DAAM2: variants seen among roughly 807,000 people sequenced by gnomAD.
DAAM2 encodes dishevelled associated activator of morphogenesis 2, also known as disheveled-associated activator of morphogenesis 2.
Under a neutral mutation model 120.7 loss-of-function variants are expected in DAAM2, and 39 were observed. That is an observed-to-expected ratio of 0.32 (90% CI 0.25 to 0.42). The LOEUF is 0.42. Among genes scored for constraint, DAAM2 ranks in the 10% least tolerant of loss-of-function variants. The pLI, the probability that DAAM2 is intolerant of heterozygous loss-of-function variation, is 1.00. For missense variants in DAAM2, 1,283 were observed against 1,401.7 expected (o/e 0.92, Z 1.35); for synonymous variants, 488 against 524.9 (o/e 0.93, Z 0.96).
At chr6:39,891,267 A>T in intron 17 of DAAM2, 74 bp from the exon 18 acceptor site, 1 of 1,205,538 alleles carries the variant, frequency 8.3e-7, no homozygotes, top group Non-Finnish European at 1.2e-6. Context: ...CCAAGTCAGT[A>T]CAGCTTCTCA....
chr6:39,845,556 CCACA>C (rs1562022253), intron 1 of DAAM2, among the ~76,000 whole-genome samples: 1 of 151,090 alleles, frequency 6.6e-6, no homozygotes, highest in East Asian at 2.0e-4. Flanking sequence ...ATACACCATA[CCACA>C]TACACACATA....
intron 23 of DAAM2, among the ~76,000 whole-genome samples, chr6:39,900,974 G>T (rs1403831641): frequency 2.0e-4 from 31 of 152,140 alleles, no homozygotes; most frequent in Admixed American, 2.0e-3. Flanking sequence ...GAGGATCTTT[G>T]AAGTTCTGAG....
intron 1 of DAAM2, among the ~76,000 whole-genome samples, chr6:39,801,843 C>A (rs570221998): frequency 6.6e-6 from 1 of 152,314 alleles, no homozygotes; most frequent in South Asian, 2.1e-4. Flanking sequence ...TGTTTCCTCC[C>A]AGACACCAAA....
At position 39,865,046 on chromosome 6, in the gene DAAM2, A is replaced by G. The variant is rs1465913959; in HGVS notation, c.400A>G (p.Lys134Glu). ...GAGGAACCAAGTCGTGGAAGACCTG[A>G]AGACAGCCCTCCGGACACAGCCTAT... Reference protein sequence around the residue: ...EMRNQVVEDLKTALRTQPMRF... With the variant: ...EMRNQVVEDLETALRTQPMRF... The change falls in exon 5 of 25, where the codon AAG (lysine) becomes GAG (glutamate). Residue 134 changes from lysine to glutamate, a missense_variant. Lys to Glu is a moderately conservative substitution (Grantham distance 56). This residue lies in a region of DAAM2 where 197 missense variants were observed against 189.3 expected (regional missense o/e 1.04). Transcript: ENST00000274867. 2 of 1,597,336 alleles carry G rather than the reference A, an allele frequency of 1.3e-6. No individual in the cohort carries two copies. The highest frequency in any genetic ancestry group is 1.7e-6 in the Non-Finnish European group (2 of 1,168,732).
At position 39,879,393 on chromosome 6, in the gene DAAM2, C is replaced by A; in HGVS notation, c.1761C>A (p.Pro587=). Residue 587 remains proline, a synonymous_variant, in exon 14 of 25, where the codon CCC becomes CCA. Coordinates refer to ENST00000274867, the MANE Select transcript of DAAM2 (RefSeq NM_001201427.2). ...MGLPLPQDPY[P]SSDVPLRKKR... ...TGCCCCTCCCTCAGGACCCCTACCC[C>A]AGCAGTGACGTCCCACTCAGGAAAA... The A allele has an allele frequency of 1.2e-6, 2 of 1,613,916 alleles. No individual in the cohort carries two copies. The highest frequency in any genetic ancestry group is 3.3e-5 in the Admixed American group (2 of 60,014).
At chr6:39,845,177 CACAT>C (rs1042719529) in intron 1 of DAAM2, among the ~76,000 whole-genome samples, 77 of 146,160 alleles carry the variant, frequency 5.3e-4, no homozygotes, top group African/African-American at 1.8e-3. Context: ...ACACACCACA[CACAT>C]ACACATACAC....
chr6:39,831,000 G>A (rs146859831), intron 1 of DAAM2, among the ~76,000 whole-genome samples: 3 of 152,334 alleles, frequency 2.0e-5, no homozygotes, highest in Admixed American at 6.5e-5. Context: ...TCACATCAAC[G>A]TGAGGGTGTG....
intron 9 of DAAM2, 114 bp from the exon 10 acceptor site, chr6:39,873,124 G>A (rs1764728012): frequency 1.4e-6 from 1 of 693,124 alleles, no homozygotes; most frequent in Non-Finnish European, 2.6e-6. Flanking sequence ...CAGAGGCAGG[G>A]GAAGAAAACC....
At chr6:39,841,772 T>A (rs1426155397) in intron 1 of DAAM2, among the ~76,000 whole-genome samples, 1 of 152,100 alleles carries the variant, frequency 6.6e-6, no homozygotes, top group Non-Finnish European at 1.5e-5. Flanking sequence ...ATTCAAGGAC[T>A]GTTCTCAGGG....
chr6:39,889,062 AAC>A, intron 17 of DAAM2: 1 of 220,816 alleles, frequency 4.5e-6, no homozygotes, highest in Non-Finnish European at 9.0e-6. Context: ...AAACCTAGAA[AAC>A]ACACAAAGAA....
At chr6:39,889,085 T>C (rs541745977) in intron 17 of DAAM2, 77 of 192,780 alleles carry the variant, frequency 4.0e-4, no homozygotes, top group African/African-American at 1.5e-3. Flanking sequence ...ACATCATCAA[T>C]TGGACTTCAT....
At chr6:39,821,314 C>T (rs1422292258) in intron 1 of DAAM2, 1 of 152,246 alleles carries the variant, frequency 6.6e-6, no homozygotes, top group Non-Finnish European at 1.5e-5. Flanking sequence ...CAAGCACACC[C>T]CACCCCAGGA....
chr6:39,793,368 G>C (rs1205343055), intron 1 of DAAM2, among the ~76,000 whole-genome samples: 3 of 152,008 alleles, frequency 2.0e-5, no homozygotes, highest in South Asian at 4.2e-4. Flanking sequence ...GTGGAGGAAG[G>C]GGGGCGGTGG....
intron 1 of DAAM2, among the ~76,000 whole-genome samples, chr6:39,799,907 T>C (rs941285448): frequency 6.6e-6 from 1 of 152,214 alleles, no homozygotes; most frequent in Non-Finnish European, 1.5e-5. Context: ...CTGGTGTGTA[T>C]ACAGGATGGA....
At position 39,811,322 on chromosome 6, in the gene DAAM2, C is replaced by G. The variant is rs138095096; in HGVS notation, c.-57+18857C>G. On this transcript the variant is annotated intron_variant, in intron 1 of 24. Coordinates refer to ENST00000274867, the MANE Select transcript of DAAM2 (RefSeq NM_001201427.2). ...CCTCATGTGGATGTTGTTTTGTTTT[C>G]TCTCTCTGCCTCCGCCATTGCAAGC... is the stretch of plus-strand genomic sequence containing the variant. Among the ~76,000 whole-genome samples, 449 of 152,156 alleles carry G rather than the reference C, an allele frequency of 3.0e-3. 3 individuals are homozygous for G. The highest frequency in any genetic ancestry group is 0.024 in the South Asian group (116 of 4,808).
chr6:39,896,082 A>C (rs28580479), intron 19 of DAAM2, among the ~76,000 whole-genome samples: 13,633 of 152,194 alleles, frequency 0.09, 1,249 homozygotes, highest in East Asian at 0.25. Flanking sequence ...GCATTTCAAG[A>C]CAGGCAGAAG....
At chr6:39,860,124 A>AG (rs1764152339) in intron 2 of DAAM2, among the ~76,000 whole-genome samples, 1 of 152,208 alleles carries the variant, frequency 6.6e-6, no homozygotes, top group Admixed American at 6.5e-5. Context: ...AGAGCTTTTC[A>AG]GGGGCCGTCT....
At chr6:39,857,441 G>T (rs1764051195) in intron 2 of DAAM2, among the ~76,000 whole-genome samples, 1 of 152,374 alleles carries the variant, frequency 6.6e-6, no homozygotes, top group East Asian at 1.9e-4. Flanking sequence ...CAGGTTATAT[G>T]AGAAAGGTGT....
At position 39,878,630 on chromosome 6, in the gene DAAM2, C is replaced by T; in HGVS notation, c.1545+42C>T. The T allele has an allele frequency of 1.3e-6, 2 of 1,557,594 alleles. No individual in the cohort carries two copies. The highest frequency in any genetic ancestry group is 2.4e-5 in the South Asian group (2 of 83,044). ...CCCTTTACATAGTTGAGCCAAGACC[C>T]TGGGCTTCAGGACTGGGTGGGCAGA... is the stretch of plus-strand genomic sequence containing the variant. On this transcript the variant is annotated intron_variant, in intron 13 of 24. Transcript: ENST00000274867. This position sits in a 1 kb window ranked among gnomAD's most constrained non-coding sequence, Gnocchi z 5.0.
Sources: gnomAD v4.1 joint callset for allele counts (sites outside exome capture counted in the v4.1 genomes callset) on GRCh38, gnomAD v4.1.1 for gene constraint, gnomAD v4.1.1 regional missense constraint, Gnocchi (gnomAD v3.1) non-coding constraint, MANE v1.5 for transcripts, NCBI Gene and HGNC (gene_info 2026-07-23, HGNC 2026-07-21) for gene names.